The following SNRPA1 variants were observed in gnomAD, a reference collection of about 807,000 sequenced individuals.
SNRPA1 encodes small nuclear ribonucleoprotein polypeptide A'.
Under a neutral mutation model 32.3 loss-of-function variants are expected in SNRPA1, and 5 were observed. That is an observed-to-expected ratio of 0.15 (90% CI 0.08 to 0.33). The LOEUF is 0.33. Ranked by LOEUF, SNRPA1 falls within the 10% of genes least tolerant of loss-of-function variation. The pLI is 1.00. For synonymous variants in SNRPA1, 111 were observed against 120.1 expected, an observed-to-expected ratio of 0.92 and a Z score of 0.50; for missense variants, 198 against 311.1, an observed-to-expected ratio of 0.64 and a Z score of 2.74.
At position 101,295,149 on chromosome 15, in the gene SNRPA1, C is replaced by A; in HGVS notation, c.30G>T (p.Glu10Asp). The change falls in exon 1 of 9, where the codon GAG (glutamate) becomes GAT (aspartate). Residue 10 changes from glutamate (E) to aspartate (D), a missense_variant. By Grantham distance (45) the Glu-to-Asp change is conservative. This residue lies in a region of SNRPA1 where 119 missense variants were observed against 171.6 expected (regional missense o/e 0.69). Transcript: ENST00000254193. MVKLTAELI[E>D]QAAQYTNAVR... ...CCGCGTTGGTGTACTGCGCCGCCTG[C>A]TCGATCAGCTCCGCCGTCAGCTTGA... 4 of 1,558,540 alleles carry A rather than the reference C, an allele frequency of 2.6e-6. No homozygotes were observed. Among genetic ancestry groups the A allele is most frequent in the Non-Finnish European group, 3.5e-6 (4 of 1,156,710 alleles).
In SNRPA1 at chr15:101,285,004, C is replaced by G; in HGVS notation, c.672G>C (p.Leu224=). 6.2e-7 allele frequency: 1 copy of G among 1,613,942 alleles called. No individual in the cohort carries two copies. The highest frequency in any genetic ancestry group is 8.5e-7 in the Non-Finnish European group (1 of 1,179,860). ...CTCTGCCAGGGATCTGACCAGACTG[C>G]AGCAACCCCTTCAGCCTCTCCACTT... ...LAEVERLKGL[L]QSGQIPGRER... Residue 224 remains leucine (L), a synonymous_variant, in exon 8 of 9, where the codon CTG becomes CTC. Coordinates refer to ENST00000254193, the MANE Select transcript of SNRPA1 (RefSeq NM_003090.4).
chr15:101,285,647 G>T, intron 7 of SNRPA1, 79 bp downstream of exon 7: 1 of 963,558 alleles, frequency 1.0e-6, no homozygotes. Flanking sequence ...TGCAATGTTC[G>T]GAACATGTTT....
intron 8 of SNRPA1, among the ~76,000 whole-genome samples, 159 bp from the exon 9 acceptor site, chr15:101,281,941 C>T (rs752367694): frequency 2.8e-4 from 43 of 152,220 alleles, no homozygotes; most frequent in Non-Finnish European, 5.3e-4. Context: ...CGTCCAGGGA[C>T]GGTCTAGTCT....
chr15:101,295,029 G>A, intron 1 of SNRPA1, 68 bp downstream of exon 1: 2 of 1,087,686 alleles, frequency 1.8e-6, no homozygotes, highest in East Asian at 3.2e-5. Context: ...CGGTGCACGC[G>A]GCAAAGCGCG....
At chr15:101,288,635 G>A (rs73485372) in intron 3 of SNRPA1, among the ~76,000 whole-genome samples, 2,145 of 152,286 alleles carry the variant, frequency 0.014, 54 homozygotes, top group African/African-American at 0.048. Flanking sequence ...ATGGTTACCA[G>A]CTACAACCAA....
chr15:101,287,844 A>G (rs947114497), intron 3 of SNRPA1, 142 bp from the exon 4 acceptor site: 13 of 675,000 alleles, frequency 1.9e-5, no homozygotes, highest in Non-Finnish European at 3.5e-5. Flanking sequence ...ATACTAGCAC[A>G]TCACAAATGT....
At chr15:101,287,102 G>A in intron 4 of SNRPA1, 92 bp from the exon 5 acceptor site, 1 of 576,172 alleles carries the variant, frequency 1.7e-6, no homozygotes, top group South Asian at 2.5e-5. Context: ...TATAAATCAA[G>A]GGAACATTCA....
At chr15:101,290,551 A>C (rs1254000016) in intron 3 of SNRPA1, among the ~76,000 whole-genome samples, 1 of 151,804 alleles carries the variant, frequency 6.6e-6, no homozygotes, top group African/African-American at 2.4e-5. Context: ...GAGGAAGGTT[A>C]AGTCACAAAA....
chr15:101,286,426 A>G (rs2039455281), intron 5 of SNRPA1, 133 bp from the exon 6 acceptor site: 5 of 662,416 alleles, frequency 7.5e-6, no homozygotes, highest in Admixed American at 3.3e-5. Flanking sequence ...AGCAATTTCA[A>G]ATTAAGAGAA....
At chr15:101,287,605 G>A (rs756393731) in intron 4 of SNRPA1, 51 bp downstream of exon 4, 1 of 1,486,572 alleles carries the variant, frequency 6.7e-7, no homozygotes, top group Non-Finnish European at 9.4e-7. Context: ...GCTGGTAAAA[G>A]TAATGTTATT....
chr15:101,286,083 TA>T (rs2039451339), intron 6 of SNRPA1, 130 bp downstream of exon 6: 2 of 751,128 alleles, frequency 2.7e-6, no homozygotes, highest in African/African-American at 3.5e-5. Context: ...ACATGGACTA[TA>T]AGCACTCAAA....
At chr15:101,287,755 A>G in intron 3 of SNRPA1, 53 bp from the exon 4 acceptor site, 1 of 1,526,882 alleles carries the variant, frequency 6.5e-7, no homozygotes, top group Non-Finnish European at 9.1e-7. Context: ...CTATTTTGAG[A>G]TTCTGAAATG....
intron 3 of SNRPA1, among the ~76,000 whole-genome samples, chr15:101,290,242 T>G (rs906499505): frequency 6.6e-6 from 1 of 152,224 alleles, no homozygotes; most frequent in African/African-American, 2.4e-5. Context: ...TCAAATCCAC[T>G]ACCATGCTGT....
intron 3 of SNRPA1, among the ~76,000 whole-genome samples, chr15:101,289,040 A>G (rs2039489805): frequency 6.6e-6 from 1 of 152,262 alleles, no homozygotes; most frequent in Non-Finnish European, 1.5e-5. Context: ...CAGGGAGAGC[A>G]GAGCCAGAAA....
chr15:101,286,750 C>G, intron 5 of SNRPA1, 158 bp downstream of exon 5: 2 of 563,676 alleles, frequency 3.5e-6, no homozygotes, highest in Non-Finnish European at 6.4e-6. Flanking sequence ...ATAAACTCTG[C>G]TATTAGAAAA....
chr15:101,289,954 C>T (rs1378042440), intron 3 of SNRPA1: 1 of 95,096 alleles, frequency 1.1e-5, no homozygotes, highest in Non-Finnish European at 2.2e-5. Context: ...TTCAACCATA[C>T]AGTTTTTAAG....
Position 101,281,788 on chromosome 15 carries a change from GA to G in SNRPA1, c.710-7del, listed in dbSNP as rs1199558109. 6.2e-7 allele frequency: 1 copy of G among 1,613,742 alleles called. No homozygotes were observed. Among genetic ancestry groups the G allele is most frequent in the African/African-American group, 1.3e-5 (1 of 74,924 alleles). On this transcript the variant is annotated splice_region_variant and splice_polypyrimidine_tract_variant and intron_variant, in intron 8 of 8. Coordinates refer to ENST00000254193, the MANE Select transcript of SNRPA1 (RefSeq NM_003090.4). ...TTCACCATCATCAGTGGGCCCTAAAGAAAACCACCAAAGCAAAAGTAGTATC... is the reference window on the plus strand; with the variant it reads ...TTCACCATCATCAGTGGGCCCTAAAGAAACCACCAAAGCAAAAGTAGTATC...
chr15:101,295,074 G>T, intron 1 of SNRPA1, 23 bp downstream of exon 1: 1 of 1,434,166 alleles, frequency 7.0e-7, no homozygotes. Context: ...CTGGGGACTG[G>T]CCGCCCACGC....
At chr15:101,284,893 G>T in intron 8 of SNRPA1, 74 bp downstream of exon 8, 1 of 1,072,918 alleles carries the variant, frequency 9.3e-7, no homozygotes, top group South Asian at 1.2e-5. Context: ...CCAGAGTCAT[G>T]GCATCTAAAT....
Sources: gnomAD v4.1 joint callset for allele counts (sites outside exome capture counted in the v4.1 genomes callset) on GRCh38, gnomAD v4.1.1 for gene constraint, gnomAD v4.1.1 regional missense constraint, MANE v1.5 for transcripts, NCBI Gene and HGNC (gene_info 2026-07-23, HGNC 2026-07-21) for gene names.